The following MTMR10 variants were observed in gnomAD, a reference collection of about 807,000 sequenced individuals.
MTMR10 encodes myotubularin related protein 10.
In MTMR10, 56 loss-of-function variants were observed where a neutral mutation model predicts 88.1. The observed-to-expected ratio is 0.64, with a 90% confidence interval of 0.51 to 0.79. MTMR10 has a LOEUF of 0.79. Ranked by LOEUF, MTMR10 falls within the 30% of genes least tolerant of loss-of-function variation. The pLI is 0.00. For missense variants in MTMR10, 883 were observed against 924.7 expected, an observed-to-expected ratio of 0.95 and a Z score of 0.58; for synonymous variants, 380 against 340.9, an observed-to-expected ratio of 1.11 and a Z score of -1.26.
intron 10 of MTMR10, 67 bp from the exon 11 acceptor site, chr15:30,953,698 G>C (rs1478484663): frequency 2.0e-6 from 2 of 1,017,026 alleles, no homozygotes; most frequent in Non-Finnish European, 2.9e-6. Context: ...AGAGTAAAGA[G>C]ATACATCAGT....
At chr15:30,938,166 A>G (rs1490839959), downstream of MTMR10, among the ~76,000 whole-genome samples, 1 of 151,880 alleles carries the variant, frequency 6.6e-6, no homozygotes, top group Non-Finnish European at 1.5e-5. Flanking sequence ...CCTGGGAGAC[A>G]GAGCGAGACT....
chr15:30,968,739 A>C (rs888250508), intron 5 of MTMR10, among the ~76,000 whole-genome samples: 2 of 152,184 alleles, frequency 1.3e-5, no homozygotes, highest in African/African-American at 4.8e-5. Flanking sequence ...CAGTTTGCTC[A>C]CTTGTAAAAC....
the MTMR10 span, among the ~76,000 whole-genome samples, chr15:30,921,855 G>T: frequency 2.6e-5 from 4 of 152,170 alleles, no homozygotes; most frequent in Non-Finnish European, 5.9e-5. Context: ...TCTTGCAGTT[G>T]GTCCTGTGAC....
At chr15:30,980,919 T>TAATA (rs956881032) in intron 2 of MTMR10, among the ~76,000 whole-genome samples, 1 of 152,132 alleles carries the variant, frequency 6.6e-6, no homozygotes, top group Admixed American at 6.5e-5. Context: ...GATGACTGAA[T>TAATA]AATAAATAAA....
intron 1 of MTMR10, among the ~76,000 whole-genome samples, 192 bp from the exon 2 acceptor site, chr15:30,991,029 T>C (rs2031284012): frequency 1.3e-5 from 2 of 152,168 alleles, no homozygotes; most frequent in Non-Finnish European, 2.9e-5. Flanking sequence ...TAATAAAAAA[T>C]GTTTAAACTG....
chr15:30,962,553 T>C (rs2063416568), intron 6 of MTMR10, among the ~76,000 whole-genome samples: 1 of 151,718 alleles, frequency 6.6e-6, no homozygotes, highest in Non-Finnish European at 1.5e-5. Context: ...CTCACGTAAC[T>C]TATCTGACCT....
intron 2 of MTMR10, among the ~76,000 whole-genome samples, chr15:30,988,770 C>T (rs945915518): frequency 6.6e-6 from 1 of 152,116 alleles, no homozygotes; most frequent in African/African-American, 2.4e-5. Context: ...GGGCGGATCA[C>T]CTGAGGGCAG....
intron 5 of MTMR10, among the ~76,000 whole-genome samples, chr15:30,974,078 A>G (rs1365659114): frequency 6.6e-6 from 1 of 152,226 alleles, no homozygotes; most frequent in East Asian, 1.9e-4. Context: ...TCCACGTAAG[A>G]GTCTTTAATA....
At chr15:30,929,818 AT>A in the MTMR10 span, among the ~76,000 whole-genome samples, 2 of 44,922 alleles carry the variant, frequency 4.5e-5, no homozygotes, top group Admixed American at 4.0e-4. Context: ...TATATAATAT[AT>A]TATATCATAT....
In MTMR10 at chr15:30,945,911, C is replaced by T. The variant is rs370750925; in HGVS notation, c.1548+1219G>A. On this transcript the variant is annotated intron_variant, in intron 14 of 15. Transcript: ENST00000435680. ...TTAAGCCATCCTCCCACCTCAGCCTCCCCAGTAGCTGGGACCACAGGTGCG... is the reference window on the plus strand; with the variant it reads ...TTAAGCCATCCTCCCACCTCAGCCTTCCCAGTAGCTGGGACCACAGGTGCG... Among the ~76,000 whole-genome samples, 704 of 152,330 alleles carry T rather than the reference C, an allele frequency of 4.6e-3. 4 individuals are homozygous for T. Among genetic ancestry groups the T allele is most frequent in the African/African-American group, 0.016 (683 of 41,562 alleles).
intron 6 of MTMR10, among the ~76,000 whole-genome samples, chr15:30,967,514 CT>C (rs1270131873): frequency 2.6e-5 from 4 of 152,156 alleles, no homozygotes; most frequent in Non-Finnish European, 5.9e-5. Flanking sequence ...ATCACTTTAG[CT>C]TTTGCATGAA....
the MTMR10 span, chr15:30,930,585 T>C: frequency 1.2e-5 from 20 of 1,613,120 alleles, no homozygotes; most frequent in African/African-American, 2.0e-4. Flanking sequence ...CAGTGGTGTG[T>C]GCAGGCACCT....
chr15:30,957,114 A>G (rs1341847035), intron 9 of MTMR10, among the ~76,000 whole-genome samples: 1 of 152,168 alleles, frequency 6.6e-6, no homozygotes, highest in Non-Finnish European at 1.5e-5. Flanking sequence ...GTGATACACA[A>G]TTTCTGAGGC....
intron 14 of MTMR10, chr15:30,943,405 T>A (rs967351849): frequency 1.6e-5 from 16 of 984,566 alleles, no homozygotes; most frequent in Non-Finnish European, 1.8e-5. Context: ...TTTATTTCTA[T>A]AATTACAGTA....
At chr15:30,927,881 C>G in the MTMR10 span, 1 of 985,616 alleles carries the variant, frequency 1.0e-6, no homozygotes, top group Non-Finnish European at 1.2e-6. Flanking sequence ...ACTCTGTGAC[C>G]TCAGCACCTG....
rs2063366733 is a variant in MTMR10 at position 30,959,132 on chromosome 15, A to G, written c.759-11T>C. 2 of 1,405,168 alleles carry G rather than the reference A, an allele frequency of 1.4e-6. No individual in the cohort carries two copies. Among genetic ancestry groups the G allele is most frequent in the South Asian group, 1.3e-5 (1 of 76,316 alleles). The allele number at this position is 1,405,168 out of a possible 1,614,324, so 87.0% of individuals were successfully genotyped here. A position where few individuals can be genotyped will look rare whatever the true frequency, so the allele number is the denominator to read the frequency against. On this transcript the variant is annotated splice_polypyrimidine_tract_variant and intron_variant, in intron 7 of 15. Coordinates refer to ENST00000435680, the MANE Select transcript of MTMR10 (RefSeq NM_017762.3). ...ATGTATTCTGGAAGGCTGGAGGGGA[A>G]AAAAAAAATTATATGAGTGCTGTGC...
intron 14 of MTMR10, among the ~76,000 whole-genome samples, chr15:30,944,296 G>A (rs1365039985): frequency 6.6e-6 from 1 of 152,178 alleles, no homozygotes; most frequent in Non-Finnish European, 1.5e-5. Context: ...AGGCGCAGTG[G>A]TGACTCATGC....
chr15:30,990,751 C>T, intron 2 of MTMR10, 26 bp downstream of exon 2: 1 of 1,592,414 alleles, frequency 6.3e-7, no homozygotes, highest in Non-Finnish European at 8.6e-7. Flanking sequence ...GCTAAAGTAT[C>T]TGTTAGAATC....
In MTMR10 at chr15:30,944,913, G is replaced by C. The variant is rs145526049; in HGVS notation, c.1549-1841C>G. On this transcript the variant is annotated intron_variant, in intron 14 of 15. Coordinates refer to ENST00000435680, the MANE Select transcript of MTMR10 (RefSeq NM_017762.3). ...TGCAGTCCTAGCTACTCAGGTGGTT[G>C]AGGCGAGAGCAGTGCTTGGACCCAG... Among the ~76,000 whole-genome samples the C allele has an allele frequency of 8.9e-3, 1,355 of 151,926 alleles. 21 individuals carry two copies. Among genetic ancestry groups the C allele is most frequent in the African/African-American group, 0.03 (1,262 of 41,402 alleles).
Sources: allele counts gnomAD v4.1 joint callset (sites outside exome capture counted in the v4.1 genomes callset), GRCh38; gene constraint gnomAD v4.1.1; transcripts MANE v1.5; gene names NCBI Gene and HGNC (gene_info 2026-07-23, HGNC 2026-07-21).